KCND3: variants seen among roughly 807,000 people sequenced by gnomAD.
KCND3 encodes potassium voltage-gated channel subfamily D member 3.
In KCND3, 9 loss-of-function variants were observed where a neutral mutation model predicts 51.1. The ratio of observed to expected loss-of-function variants is 0.18; its 90% CI spans 0.11 to 0.31. The LOEUF is 0.31. KCND3 is among the 10% of genes least tolerant of loss of function. The probability of loss-of-function intolerance (pLI) is 1.00; values close to 1 mark genes in which losing one functional copy is unlikely to be tolerated. For synonymous variants in KCND3, 349 were observed against 368.0 expected (o/e 0.95, Z 0.59); for missense variants, 526 against 903.8 (o/e 0.58, Z 5.36).
At chr1:111,786,629 G>A (rs1664614688) in intron 3 of KCND3, among the ~76,000 whole-genome samples, 1 of 152,222 alleles carries the variant, frequency 6.6e-6, no homozygotes, top group South Asian at 2.1e-4. Flanking sequence ...TTGGCTGGGA[G>A]AGGGAGGAGT....
intron 3 of KCND3, among the ~76,000 whole-genome samples, chr1:111,785,875 T>C (rs963336136): frequency 4.6e-5 from 7 of 152,096 alleles, no homozygotes; most frequent in African/African-American, 1.4e-4. Context: ...CTGCAATGCA[T>C]AGGGCCGACC....
At chr1:111,848,729 T>C (rs1371301663) in intron 2 of KCND3, among the ~76,000 whole-genome samples, 2 of 152,156 alleles carry the variant, frequency 1.3e-5, no homozygotes, top group Admixed American at 6.5e-5. Context: ...GGGAGAATTA[T>C]TTCACCTCTC....
chr1:111,876,938 C>A (rs1032060522), intron 2 of KCND3, among the ~76,000 whole-genome samples: 2 of 152,180 alleles, frequency 1.3e-5, no homozygotes, highest in South Asian at 4.1e-4. Flanking sequence ...GTTCTCTCTC[C>A]GGGTAGGATG....
intron 2 of KCND3, among the ~76,000 whole-genome samples, chr1:111,882,668 C>T (rs536026123): frequency 1.3e-5 from 2 of 152,116 alleles, no homozygotes; most frequent in East Asian, 1.9e-4. Flanking sequence ...AGGAGAGCAG[C>T]GGCTGTGCTG....
intron 2 of KCND3, among the ~76,000 whole-genome samples, chr1:111,819,038 C>T (rs778611912): frequency 2.6e-5 from 4 of 152,030 alleles, no homozygotes; most frequent in African/African-American, 7.2e-5. Context: ...CTCCGTTGCC[C>T]GGGCTGGAGT....
chr1:111,913,271 T>A (rs1671048691), intron 2 of KCND3, among the ~76,000 whole-genome samples: 1 of 152,186 alleles, frequency 6.6e-6, no homozygotes, highest in South Asian at 2.1e-4. Flanking sequence ...ATGTAGTAGG[T>A]TATACCATCT....
intron 2 of KCND3, among the ~76,000 whole-genome samples, chr1:111,845,724 C>T (rs1667516966): frequency 6.6e-6 from 1 of 152,194 alleles, no homozygotes; most frequent in Non-Finnish European, 1.5e-5. Context: ...CATAGACAAA[C>T]AGAGTGAGAC....
chr1:111,968,154 G>A (rs1008429356), intron 2 of KCND3, among the ~76,000 whole-genome samples: 1 of 152,198 alleles, frequency 6.6e-6, no homozygotes, highest in African/African-American at 2.4e-5. Flanking sequence ...CCCAAACTCT[G>A]AGCATGCCAG....
intron 2 of KCND3, among the ~76,000 whole-genome samples, chr1:111,794,579 G>A (rs1664977163): frequency 6.6e-6 from 1 of 152,234 alleles, no homozygotes; most frequent in Admixed American, 6.5e-5. Flanking sequence ...TGTTGGGGAT[G>A]GGGATGGGGC....
chr1:111,910,013 C>A (rs560974805), intron 2 of KCND3: 2 of 152,206 alleles, frequency 1.3e-5, no homozygotes, highest in Non-Finnish European at 2.9e-5. Flanking sequence ...CACGTTTTGG[C>A]GAGCAAATGC....
chr1:111,799,736 C>T (rs1326850751), intron 2 of KCND3, among the ~76,000 whole-genome samples: 1 of 152,210 alleles, frequency 6.6e-6, no homozygotes, highest in Non-Finnish European at 1.5e-5. Context: ...GCCTGCACAG[C>T]TCCTAGGAAA....
intron 2 of KCND3, among the ~76,000 whole-genome samples, chr1:111,928,505 C>A (rs1260612230): frequency 6.6e-6 from 1 of 152,220 alleles, no homozygotes; most frequent in Non-Finnish European, 1.5e-5. Flanking sequence ...GGAGCCCACT[C>A]CTAAGTGGCT....
At chr1:111,941,502 C>T (rs1260045777) in intron 2 of KCND3, among the ~76,000 whole-genome samples, 1 of 152,186 alleles carries the variant, frequency 6.6e-6, no homozygotes, top group Non-Finnish European at 1.5e-5. Flanking sequence ...CCTTGTTTTA[C>T]CCTCGAGTAC....
At chr1:111,929,362 G>A (rs145025780) in intron 2 of KCND3, among the ~76,000 whole-genome samples, 50 of 152,324 alleles carry the variant, frequency 3.3e-4, no homozygotes, top group African/African-American at 1.2e-3. Context: ...CAGCCATGGA[G>A]GGTGGTAGGT....
chr1:111,893,296 T>C (rs1475402899), intron 2 of KCND3, among the ~76,000 whole-genome samples: 1 of 152,152 alleles, frequency 6.6e-6, no homozygotes, highest in Non-Finnish European at 1.5e-5. Flanking sequence ...TCTGGGACAC[T>C]TGACGGAGAA....
At chr1:111,830,204 C>T (rs897489218) in intron 2 of KCND3, among the ~76,000 whole-genome samples, 9 of 152,216 alleles carry the variant, frequency 5.9e-5, no homozygotes, top group African/African-American at 2.2e-4. Context: ...TATCAATTAA[C>T]AAACAAATGA....
At chr1:111,907,263 G>A (rs914181121) in intron 2 of KCND3, among the ~76,000 whole-genome samples, 12 of 152,252 alleles carry the variant, frequency 7.9e-5, no homozygotes, top group Admixed American at 2.6e-4. Context: ...TTTTCTTTAT[G>A]TGTGTACAAA....
At chr1:111,861,017 C>T (rs1668313692) in intron 2 of KCND3, among the ~76,000 whole-genome samples, 1 of 152,126 alleles carries the variant, frequency 6.6e-6, no homozygotes, top group Non-Finnish European at 1.5e-5. Context: ...CTCACCATCT[C>T]CCATTTCCAA....
chr1:111,954,522 T>C (rs1435334635), intron 2 of KCND3, among the ~76,000 whole-genome samples: 4 of 152,224 alleles, frequency 2.6e-5, no homozygotes, highest in Non-Finnish European at 4.4e-5. Flanking sequence ...CCCAATAAAC[T>C]TGCAGCAACA....
Sources: gnomAD v4.1 joint callset for allele counts (sites outside exome capture counted in the v4.1 genomes callset) on GRCh38, gnomAD v4.1.1 for gene constraint, MANE v1.5 for transcripts, NCBI Gene and HGNC (gene_info 2026-07-23, HGNC 2026-07-21) for gene names.